The following ARB2A variants were observed in gnomAD, a reference collection of about 807,000 sequenced individuals.
The protein encoded by ARB2A is ARB2 cotranscriptional regulator A, also known as cotranscriptional regulator ARB2A.
the ARB2A span, among the ~76,000 whole-genome samples, chr5:93,826,408 T>G: frequency 1.3e-5 from 2 of 152,150 alleles, no homozygotes; most frequent in African/African-American, 4.8e-5. Context: ...TCTCTATGTC[T>G]ATCTGTCCTA....
the ARB2A span, among the ~76,000 whole-genome samples, chr5:93,745,731 A>C: frequency 6.6e-6 from 1 of 152,200 alleles, no homozygotes; most frequent in East Asian, 1.9e-4. Flanking sequence ...AGAAGATCTA[A>C]GAATGATATC....
chr5:93,873,970 T>G, the ARB2A span, among the ~76,000 whole-genome samples: 33 of 152,168 alleles, frequency 2.2e-4, no homozygotes, highest in Non-Finnish European at 4.3e-4. Flanking sequence ...AAAGGGAATG[T>G]TTGCAGGATA....
chr5:93,668,407 G>A, the ARB2A span, among the ~76,000 whole-genome samples: 1 of 152,228 alleles, frequency 6.6e-6, no homozygotes, highest in Admixed American at 6.5e-5. Flanking sequence ...TGCCTGGCTT[G>A]TTAAAGCTAT....
chr5:94,055,704 T>C, the ARB2A span: 5 of 985,404 alleles, frequency 5.1e-6, no homozygotes, highest in Non-Finnish European at 2.4e-6. Flanking sequence ...GGTTTTAATA[T>C]CAAAAATTGA....
chr5:93,725,556 AT>A, the ARB2A span, among the ~76,000 whole-genome samples: 1 of 152,098 alleles, frequency 6.6e-6, no homozygotes, highest in African/African-American at 2.4e-5. Flanking sequence ...ATGTTTATCA[AT>A]GAGATTTTAG....
the ARB2A span, chr5:93,741,778 C>T: frequency 1.2e-5 from 6 of 517,442 alleles, no homozygotes; most frequent in African/African-American, 1.9e-5. Context: ...CCTTTGCTTC[C>T]AACTCCCATA....
the ARB2A span, among the ~76,000 whole-genome samples, chr5:93,900,872 T>C: frequency 8.5e-5 from 13 of 152,182 alleles, no homozygotes; most frequent in African/African-American, 2.7e-4. Flanking sequence ...CTAGGATTAG[T>C]TGCCTTACTT....
chr5:93,800,609 C>T, the ARB2A span, among the ~76,000 whole-genome samples: 13 of 151,710 alleles, frequency 8.6e-5, no homozygotes, highest in African/African-American at 2.4e-4. Flanking sequence ...TTTAAAAGTG[C>T]GTATTAAAAC....
At chr5:94,035,186 G>T in the ARB2A span, among the ~76,000 whole-genome samples, 4 of 59,690 alleles carry the variant, frequency 6.7e-5, no homozygotes, top group African/African-American at 3.2e-4. Context: ...TTAGGAACCA[G>T]GATCTTATAC....
chr5:94,103,023 A>G, the ARB2A span, among the ~76,000 whole-genome samples: 7 of 152,124 alleles, frequency 4.6e-5, no homozygotes, highest in African/African-American at 1.4e-4. Flanking sequence ...CGGAAGCACT[A>G]AATATGAAAT....
At chr5:93,830,874 T>C in the ARB2A span, among the ~76,000 whole-genome samples, 2 of 152,104 alleles carry the variant, frequency 1.3e-5, no homozygotes, top group Admixed American at 6.6e-5. Flanking sequence ...CAACTAACCA[T>C]AATTTAGAAT....
the ARB2A span, among the ~76,000 whole-genome samples, chr5:94,059,793 T>C: frequency 6.6e-6 from 1 of 151,194 alleles, no homozygotes; most frequent in African/African-American, 2.4e-5. Flanking sequence ...ACCAAAAGCA[T>C]CTTTCCAAAT....
chr5:93,861,407 C>G, the ARB2A span: 8 of 151,790 alleles, frequency 5.3e-5, no homozygotes, highest in South Asian at 4.2e-4. Context: ...CACTTCACCC[C>G]CTAACTGGAT....
chr5:93,866,987 GA>G, the ARB2A span, among the ~76,000 whole-genome samples: 6 of 149,302 alleles, frequency 4.0e-5, no homozygotes, highest in South Asian at 2.1e-4. Context: ...CCTTTAATGT[GA>G]AAAAAAAATG....
At chr5:93,856,027 A>G in the ARB2A span, among the ~76,000 whole-genome samples, 3 of 152,094 alleles carry the variant, frequency 2.0e-5, no homozygotes, top group African/African-American at 7.2e-5. Context: ...GAGCTACAGG[A>G]GGAAATTCAA....
chr5:93,829,604 A>G, the ARB2A span, among the ~76,000 whole-genome samples: 1 of 152,212 alleles, frequency 6.6e-6, no homozygotes, highest in Non-Finnish European at 1.5e-5. Flanking sequence ...AGTGTAATAA[A>G]TGAATAACAA....
chr5:93,835,915 T>C, the ARB2A span, among the ~76,000 whole-genome samples: 2 of 152,218 alleles, frequency 1.3e-5, no homozygotes, highest in Non-Finnish European at 2.9e-5. Flanking sequence ...GGGAAAAGTA[T>C]GGCTCAATAA....
At chr5:93,808,363 G>A in the ARB2A span, among the ~76,000 whole-genome samples, 2 of 148,494 alleles carry the variant, frequency 1.3e-5, no homozygotes, top group Non-Finnish European at 3.0e-5. Flanking sequence ...AGAAGGTTAA[G>A]TTTTAAGTAT....
At chr5:93,918,408 A>G in the ARB2A span, among the ~76,000 whole-genome samples, 1 of 151,332 alleles carries the variant, frequency 6.6e-6, no homozygotes, top group Non-Finnish European at 1.5e-5. Flanking sequence ...GAAAGACTAA[A>G]TATTAGGTTA....
Sources: allele counts gnomAD v4.1 joint callset (sites outside exome capture counted in the v4.1 genomes callset), GRCh38; gene constraint gnomAD v4.1.1; transcripts MANE v1.5; gene names NCBI Gene and HGNC (gene_info 2026-07-23, HGNC 2026-07-21).